TEF: variants seen among roughly 807,000 people sequenced by gnomAD.
TEF encodes the protein TEF transcription factor, PAR bZIP family member, also known as thyrotroph embryonic factor.
A neutral mutation model predicts 20.8 loss-of-function variants in TEF; 3 were observed. That is an observed-to-expected ratio of 0.14 (90% CI 0.07 to 0.37). The LOEUF is 0.37. Ranked by LOEUF, TEF falls within the 10% of genes least tolerant of loss-of-function variation. The probability of loss-of-function intolerance (pLI) is 1.00; values close to 1 mark genes in which losing one functional copy is unlikely to be tolerated. For synonymous variants in TEF, 180 were observed against 171.1 expected, an observed-to-expected ratio of 1.05 and a Z score of -0.41; for missense variants, 296 against 397.9, an observed-to-expected ratio of 0.74 and a Z score of 2.18.
At position 41,387,983 on chromosome 22, in the gene TEF, C is replaced by CTTTTTTTT. The variant is rs530707936; in HGVS notation, c.475+340_475+347dup. 1.8e-3 allele frequency among the ~76,000 whole-genome samples: 91 copies of CTTTTTTTT among 50,114 alleles called. 20 individuals carry two copies. The highest frequency in any genetic ancestry group is 2.6e-3 in the East Asian group (3 of 1,150). 32.9% of individuals were successfully genotyped at this position (50,114 alleles called of 152,430 possible). A position where few individuals can be genotyped will look rare whatever the true frequency, so the allele number is the denominator to read the frequency against. On this transcript the variant is annotated intron_variant, in intron 2 of 3. Coordinates refer to ENST00000266304, the MANE Select transcript of TEF (RefSeq NM_003216.4). ...CATTCTGCATTTCCTCAATGCTGCTCTTTTTTTTTTTTTTTTTTTTTTTTT... is the reference window on the plus strand; with the variant it reads ...CATTCTGCATTTCCTCAATGCTGCTCTTTTTTTTTTTTTTTTTTTTTTTTTTTTTTTTT...
In TEF at chr22:41,397,226, A is replaced by G. The variant is rs542106279; in HGVS notation, c.*1266A>G. ...GTCTTGGTCCCAGGAGATGGGGGCC[A>G]CTCGTGAGGCTGGCCATGCTGTGGC... On this transcript the variant is annotated 3_prime_UTR_variant, in exon 4 of 4. Coordinates refer to ENST00000266304, the MANE Select transcript of TEF (RefSeq NM_003216.4). The G allele has an allele frequency of 5.3e-5, 21 of 397,742 alleles. No individual in the cohort carries two copies. Among genetic ancestry groups the G allele is most frequent in the African/African-American group, 4.3e-4 (21 of 48,686 alleles). The allele number at this position is 397,742 out of a possible 1,614,324, so 24.6% of individuals were successfully genotyped here.
chr22:41,369,914 A>G (rs868482982), intron 1 of TEF: 1 of 985,338 alleles, frequency 1.0e-6, no homozygotes, highest in Middle Eastern at 5.2e-4. Context: ...ATGACTGTTT[A>G]CAAACTCCCC....
chr22:41,371,601 G>A (rs779783869), intron 1 of TEF, among the ~76,000 whole-genome samples: 4 of 152,222 alleles, frequency 2.6e-5, no homozygotes, highest in Non-Finnish European at 5.9e-5. Flanking sequence ...TCTGCAAACC[G>A]TGAGATGCTG....
At chr22:41,388,824 C>G (rs1220925911) in intron 2 of TEF, among the ~76,000 whole-genome samples, 1 of 152,042 alleles carries the variant, frequency 6.6e-6, no homozygotes, top group Non-Finnish European at 1.5e-5. Flanking sequence ...GAATCCACAC[C>G]CAATAAGTTC....
intron 2 of TEF, 58 bp downstream of exon 2, chr22:41,387,726 A>G (rs1227265797): frequency 2.0e-6 from 3 of 1,505,764 alleles, no homozygotes; most frequent in Non-Finnish European, 1.8e-6. Flanking sequence ...TCCATTTCCC[A>G]CTGAGGGCTG....
chr22:41,391,298 GTGAC>G (rs1173220738), intron 2 of TEF, among the ~76,000 whole-genome samples: 4 of 151,610 alleles, frequency 2.6e-5, no homozygotes, highest in African/African-American at 7.3e-5. Flanking sequence ...GGTTGGAGGC[GTGAC>G]TGACCTATGC....
chr22:41,368,537 A>G (rs1967789178), intron 1 of TEF, among the ~76,000 whole-genome samples: 2 of 152,256 alleles, frequency 1.3e-5, no homozygotes, highest in South Asian at 4.1e-4. Context: ...AACCAGAGCC[A>G]GGAGACAGAT....
upstream of TEF, among the ~76,000 whole-genome samples, chr22:41,380,493 G>A (rs922001159): frequency 6.6e-6 from 1 of 152,182 alleles, no homozygotes; most frequent in Admixed American, 6.5e-5. Context: ...ATAACTTTTA[G>A]CTGGCTGTGG....
chr22:41,385,304 G>A (rs2037084370), intron 1 of TEF, among the ~76,000 whole-genome samples: 1 of 152,094 alleles, frequency 6.6e-6, no homozygotes, highest in Non-Finnish European at 1.5e-5. Context: ...AGGTTGTGGT[G>A]AGCTGAGACC....
chr22:41,368,920 C>A (rs2036849878), intron 1 of TEF, among the ~76,000 whole-genome samples: 1 of 152,178 alleles, frequency 6.6e-6, no homozygotes, highest in South Asian at 2.1e-4. Flanking sequence ...AGTCCACACC[C>A]ACAAACAAGC....
chr22:41,368,687 C>T (rs139818705), intron 1 of TEF, among the ~76,000 whole-genome samples: 1 of 152,188 alleles, frequency 6.6e-6, no homozygotes, highest in Non-Finnish European at 1.5e-5. Context: ...GAGCTTAGGG[C>T]AGGGGCTCCG....
At chr22:41,380,883 G>A (rs1433413381), upstream of TEF, among the ~76,000 whole-genome samples, 1 of 152,224 alleles carries the variant, frequency 6.6e-6, no homozygotes, top group Non-Finnish European at 1.5e-5. Flanking sequence ...GGTAAAAGAA[G>A]GGAGAGTTCT....
upstream of TEF, among the ~76,000 whole-genome samples, chr22:41,381,310 C>CGCCCCGCCACA (rs1161690638): frequency 5.4e-4 from 82 of 152,286 alleles, 3 homozygotes; most frequent in East Asian, 0.015. Context: ...CTTCCCCTCC[C>CGCCCCGCCACA]GCCCCGCCAC....
At chr22:41,390,801 C>T (rs552155652) in intron 2 of TEF, among the ~76,000 whole-genome samples, 1 of 152,176 alleles carries the variant, frequency 6.6e-6, no homozygotes, top group South Asian at 2.1e-4. Context: ...CCCTCATTGT[C>T]ATTTTCTAGA....
At chr22:41,371,431 G>T in intron 1 of TEF, among the ~76,000 whole-genome samples, 1 of 152,218 alleles carries the variant, frequency 6.6e-6, no homozygotes, top group East Asian at 1.9e-4. Flanking sequence ...AAGAGAGCAG[G>T]GGGCTTATGA....
upstream of TEF, among the ~76,000 whole-genome samples, chr22:41,377,729 C>T (rs1468353724): frequency 6.6e-6 from 1 of 152,184 alleles, no homozygotes; most frequent in African/African-American, 2.4e-5. Flanking sequence ...TTGCAACGCT[C>T]CTGCAGTATT....
intron 2 of TEF, among the ~76,000 whole-genome samples, chr22:41,388,337 A>G (rs189044324): frequency 1.3e-5 from 2 of 151,850 alleles, no homozygotes; most frequent in Admixed American, 1.3e-4. Flanking sequence ...GTTTTGCCAT[A>G]TTTGTCAGGC....
chr22:41,392,808 G>C (rs556213520), intron 2 of TEF, among the ~76,000 whole-genome samples: 2 of 150,966 alleles, frequency 1.3e-5, no homozygotes, highest in Admixed American at 1.3e-4. Flanking sequence ...AGGCCGAGGC[G>C]GGTGGATCAC....
chr22:41,377,335 A>C (rs573303381), upstream of TEF: 1 of 152,366 alleles, frequency 6.6e-6, no homozygotes, highest in Middle Eastern at 3.4e-3. Context: ...TATGTTGCCC[A>C]GGCTGGGCTA....
Sources: gnomAD v4.1 joint callset for allele counts (sites outside exome capture counted in the v4.1 genomes callset) on GRCh38, gnomAD v4.1.1 for gene constraint, MANE v1.5 for transcripts, NCBI Gene and HGNC (gene_info 2026-07-23, HGNC 2026-07-21) for gene names.